Variants in MGAM2 observed in about 807,000 individuals in gnomAD.
The protein encoded by MGAM2 is probable maltase-glucoamylase 2.
A neutral mutation model predicts 96.1 loss-of-function variants in MGAM2; 98 were observed. That is an observed-to-expected ratio of 1.02 (90% confidence interval 0.87 to 1.21). MGAM2 has a LOEUF of 1.21. Ranked by LOEUF, MGAM2 falls within the 50% of genes most tolerant of loss-of-function variation. The pLI, the probability that MGAM2 is intolerant of heterozygous loss-of-function variation, is 0.00. For missense variants in MGAM2, 2,055 were observed against 1,182.4 expected (o/e 1.74, Z -10.82); for synonymous variants, 749 against 414.8 (o/e 1.81, Z -9.79).
rs895878534 is a variant in MGAM2, at chr7:142,132,023, C to T, written c.513C>T (p.Tyr171=). 6 of 702,942 alleles carry T rather than the reference C, an allele frequency of 8.5e-6. No individual in the cohort carries two copies. Among genetic ancestry groups the T allele is most frequent in the Admixed American group, 2.0e-5 (1 of 49,946 alleles). The allele number at this position is 702,942 out of a possible 1,614,324, so 43.5% of individuals were successfully genotyped here. ...CTGATGCCTCCAATTTGAGCTATTA[C>T]GTGGAGGTTACTGATAAACCTTTCA... is the stretch of plus-strand genomic sequence containing the variant. ...GIADASNLSY[Y]VEVTDKPFSI... The change falls in exon 6 of 48, where the codon TAC becomes TAT. Residue 171 remains tyrosine (Y), a synonymous_variant. Coordinates refer to ENST00000477922, the MANE Select transcript of MGAM2 (RefSeq NM_001293626.2).
intron 17 of MGAM2, among the ~76,000 whole-genome samples, chr7:142,156,828 G>GACAAGTCA (rs1279716226): frequency 1.3e-5 from 2 of 151,996 alleles, no homozygotes; most frequent in Admixed American, 6.5e-5. Flanking sequence ...AGTATAGGAT[G>GACAAGTCA]ACAAGTCAAA....
intron 40 of MGAM2, 80 bp downstream of exon 40, chr7:142,196,896 A>G (rs1421334474): frequency 1.6e-6 from 1 of 642,714 alleles, no homozygotes; most frequent in Non-Finnish European, 2.8e-6. Context: ...TATTATACTC[A>G]TTTCCTGAGA....
At chr7:142,195,648 C>A (rs1455622391) in intron 37 of MGAM2, among the ~76,000 whole-genome samples, 1 of 151,944 alleles carries the variant, frequency 6.6e-6, no homozygotes, top group Non-Finnish European at 1.5e-5. Flanking sequence ...TGAGCCACCA[C>A]ACCCAGACCT....
At chr7:142,187,198 A>G (rs907078897) in intron 35 of MGAM2, among the ~76,000 whole-genome samples, 1 of 152,272 alleles carries the variant, frequency 6.6e-6, no homozygotes, top group Admixed American at 6.5e-5. Context: ...TTTCTGAGTT[A>G]CATATAACTT....
intron 3 of MGAM2, among the ~76,000 whole-genome samples, chr7:142,123,121 C>A (rs1174646309): frequency 1.3e-5 from 2 of 152,062 alleles, no homozygotes; most frequent in African/African-American, 4.8e-5. Context: ...CGCGCCCGAC[C>A]TCAAAATTAT....
Position 142,187,750 on chromosome 7 carries a change from G to C in MGAM2, c.4123G>C (p.Asp1375His). ...KSLKFDGLWI[D>H]MNEPSNFVDG... ...ATCTTTTTTTGTTAACTCATTTCAGGATATGAATGAGCCATCAAATTTTGT... is the reference window on the plus strand; with the variant it reads ...ATCTTTTTTTGTTAACTCATTTCAGCATATGAATGAGCCATCAAATTTTGT... The change falls in exon 36 of 48, where the codon GAT (aspartate) becomes CAT (histidine). Residue 1375 changes from aspartate to histidine, a missense_variant and splice_region_variant. Coordinates refer to ENST00000477922, the MANE Select transcript of MGAM2 (RefSeq NM_001293626.2). The C allele has an allele frequency of 5.7e-6, 4 of 702,600 alleles. No individual in the cohort carries two copies. The highest frequency in any genetic ancestry group is 3.0e-5 in the South Asian group (2 of 67,544). The allele number at this position is 702,600 out of a possible 1,614,324, so 43.5% of individuals were successfully genotyped here.
intron 37 of MGAM2, among the ~76,000 whole-genome samples, chr7:142,193,109 T>C (rs1796923136): frequency 6.6e-6 from 1 of 152,196 alleles, no homozygotes; most frequent in African/African-American, 2.4e-5. Context: ...ATTCAAGCTG[T>C]TTGAAGGAAC....
At chr7:142,207,034 G>A (rs1337449303) in intron 45 of MGAM2, among the ~76,000 whole-genome samples, 3 of 152,172 alleles carry the variant, frequency 2.0e-5, no homozygotes, top group South Asian at 2.1e-4. Flanking sequence ...TAAAAGTGGA[G>A]GTAATTTAGA....
At position 142,221,449 on chromosome 7, in the gene MGAM2, C is replaced by A; in HGVS notation, c.6938C>A (p.Ser2313Tyr). 1 of 577,928 alleles carries A rather than the reference C, an allele frequency of 1.7e-6. No homozygotes were observed. The highest frequency in any genetic ancestry group is 3.2e-5 in the Admixed American group (1 of 31,668). 35.8% of individuals were successfully genotyped at this position (577,928 alleles called of 1,614,324 possible). A position where few individuals can be genotyped will look rare whatever the true frequency, so the allele number is the denominator to read the frequency against. Residue 2313 changes from serine to tyrosine, a missense_variant, in exon 48 of 48, where the codon TCT becomes TAT. By Grantham distance (144) the Ser-to-Tyr change is moderately radical. Coordinates refer to ENST00000477922, the MANE Select transcript of MGAM2 (RefSeq NM_001293626.2). ...ACTTCTATTCCTAGCTCTATTACTT[C>A]TATTTTGAGCATGTTTCCAACAAGT... ...TLTSIPSSIT[S>Y]ILSMFPTSNT...
At chr7:142,132,605 T>A (rs1173365772) in intron 6 of MGAM2, among the ~76,000 whole-genome samples, 3 of 129,240 alleles carry the variant, frequency 2.3e-5, no homozygotes, top group Non-Finnish European at 4.6e-5. Context: ...TTTATATATT[T>A]AATACATAAT....
intron 28 of MGAM2, 109 bp from the exon 29 acceptor site, chr7:142,171,989 A>G: frequency 2.1e-6 from 1 of 469,892 alleles, no homozygotes; most frequent in Non-Finnish European, 4.0e-6. Context: ...AACAAAGGAC[A>G]TGACATTGAG....
chr7:142,148,016 G>A lies in MGAM2; in HGVS notation c.1634+443G>A, dbSNP rs1358063525. Among the ~76,000 whole-genome samples, 3 of 152,008 alleles carry A rather than the reference G, an allele frequency of 2.0e-5. No individual in the cohort carries two copies. In the East Asian group the frequency reaches 5.8e-4, roughly 29 times the overall value. ...GTATTTCCTTTATTTATCTGGAAATGCTACACCATATCCTTCTATTTCCTT... is the reference window on the plus strand; with the variant it reads ...GTATTTCCTTTATTTATCTGGAAATACTACACCATATCCTTCTATTTCCTT... On this transcript the variant is annotated intron_variant, in intron 15 of 47. Coordinates refer to ENST00000477922, the MANE Select transcript of MGAM2 (RefSeq NM_001293626.2). This position sits in a 1 kb window ranked among gnomAD's most constrained non-coding sequence, Gnocchi z 4.2.
chr7:142,119,305 TA>T (rs1425626755), intron 2 of MGAM2, among the ~76,000 whole-genome samples: 3 of 152,178 alleles, frequency 2.0e-5, no homozygotes, highest in Admixed American at 1.3e-4. Flanking sequence ...AAATGGCCAC[TA>T]AACCCATGAA....
At position 142,183,250 on chromosome 7, in the gene MGAM2, A is replaced by C; in HGVS notation, c.3817-16A>C. 1 of 692,298 alleles carries C rather than the reference A, an allele frequency of 1.4e-6. No homozygotes were observed. Among genetic ancestry groups the C allele is most frequent in the South Asian group, 1.6e-5 (1 of 64,420 alleles). The allele number at this position is 692,298 out of a possible 1,614,324, so 42.9% of individuals were successfully genotyped here. A position where few individuals can be genotyped will look rare whatever the true frequency, so the allele number is the denominator to read the frequency against. Reference sequence around the variant, plus strand: ...TGTTTTCCTCACATTTGCTGTTTGAAATTCTTTTACTGCAGGACCCAGCCA... The same window carrying C: ...TGTTTTCCTCACATTTGCTGTTTGACATTCTTTTACTGCAGGACCCAGCCA... On this transcript the variant is annotated splice_polypyrimidine_tract_variant and intron_variant, in intron 32 of 47. Coordinates refer to ENST00000477922, the MANE Select transcript of MGAM2 (RefSeq NM_001293626.2).
chr7:142,162,754 A>G (rs1053673017), intron 23 of MGAM2, among the ~76,000 whole-genome samples: 10 of 151,926 alleles, frequency 6.6e-5, no homozygotes, highest in African/African-American at 2.4e-4. Flanking sequence ...AAAGATCCCC[A>G]TGCAATTGTA....
chr7:142,193,366 A>T (rs1796930902), intron 37 of MGAM2, among the ~76,000 whole-genome samples: 1 of 152,058 alleles, frequency 6.6e-6, no homozygotes, highest in Non-Finnish European at 1.5e-5. Flanking sequence ...TTTCCTCTAC[A>T]CACCTGGGGA....
intron 20 of MGAM2, 23 bp from the exon 21 acceptor site, chr7:142,160,110 TC>T: frequency 1.4e-6 from 1 of 697,200 alleles, no homozygotes; most frequent in Non-Finnish European, 2.6e-6. Context: ...ACCTGATCTA[TC>T]TTTTGTTGTT....
rs1256712034 is a variant in MGAM2, at chr7:142,131,577, A to G, written c.370A>G (p.Thr124Ala). The change falls in exon 5 of 48, where the codon ACC (threonine) becomes GCC (alanine). Residue 124 changes from threonine (T) to alanine (A), a missense_variant. Transcript: ENST00000477922. Reference protein sequence around the residue: ...SPSLFGNDVATTLFTAEYQTS... With the variant: ...SPSLFGNDVAATLFTAEYQTS... ...ATCTCTGTTTGGAAATGATGTCGCC[A>G]CCACCCTTTTCACAGCTGAATATCA... The G allele has an allele frequency of 4.3e-6, 3 of 703,086 alleles. No homozygotes were observed. The highest frequency in any genetic ancestry group is 5.4e-5 in the East Asian group (2 of 37,290). The allele number at this position is 703,086 out of a possible 1,614,324, so 43.6% of individuals were successfully genotyped here. A position where few individuals can be genotyped will look rare whatever the true frequency, so the allele number is the denominator to read the frequency against.
intron 46 of MGAM2, among the ~76,000 whole-genome samples, chr7:142,211,007 TA>T (rs1272978415): frequency 2.0e-5 from 3 of 152,144 alleles, no homozygotes; most frequent in Non-Finnish European, 2.9e-5. Context: ...GCAGCAATCT[TA>T]ACTGTTCTGC....
Sources: allele counts gnomAD v4.1 joint callset (sites outside exome capture counted in the v4.1 genomes callset), GRCh38; gene constraint gnomAD v4.1.1; non-coding constraint Gnocchi (gnomAD v3.1); transcripts MANE v1.5; gene names NCBI Gene and HGNC (gene_info 2026-07-23, HGNC 2026-07-21).